TEX2: variants seen among roughly 807,000 people sequenced by gnomAD.
The protein encoded by TEX2 is testis expressed 2, also known as testis-expressed protein 2.
Under a neutral mutation model 106.9 loss-of-function variants are expected in TEX2, and 53 were observed. That is an observed-to-expected ratio of 0.50 (90% CI 0.40 to 0.62). The LOEUF (loss-of-function observed/expected upper bound fraction) is 0.62. TEX2 is among the 20% of genes least tolerant of loss of function. The probability of loss-of-function intolerance (pLI) is 0.00; values close to 1 mark genes in which losing one functional copy is unlikely to be tolerated. For synonymous variants in TEX2, 523 were observed against 534.8 expected (o/e 0.98, Z 0.30); for missense variants, 1,207 against 1,379.0 (o/e 0.88, Z 1.98).
intron 1 of TEX2, among the ~76,000 whole-genome samples, chr17:64,261,142 C>A (rs1018226248): frequency 6.6e-6 from 1 of 152,066 alleles, no homozygotes; most frequent in African/African-American, 2.4e-5. Flanking sequence ...TTCAGAAAAC[C>A]TTCCAGAAAA....
chr17:64,194,624 T>C (rs2032405559), intron 3 of TEX2, among the ~76,000 whole-genome samples: 2 of 152,202 alleles, frequency 1.3e-5, no homozygotes, highest in South Asian at 4.1e-4. Context: ...CCTCAAGTTG[T>C]GGTCTGTGGA....
intron 1 of TEX2, among the ~76,000 whole-genome samples, chr17:64,259,438 C>G (rs1555638240): frequency 6.6e-6 from 1 of 152,222 alleles, no homozygotes; most frequent in East Asian, 1.9e-4. Flanking sequence ...GGCTTCCAGT[C>G]TTCTTATTAC....
At chr17:64,193,482 T>A (rs2032366465) in intron 4 of TEX2, 77 bp downstream of exon 4, 22 of 1,187,164 alleles carry the variant, frequency 1.9e-5, no homozygotes, top group Non-Finnish European at 1.6e-5. Context: ...CTTCCTTCCT[T>A]CCTACCTGGC....
chr17:64,218,080 T>A (rs782812082), intron 1 of TEX2, among the ~76,000 whole-genome samples: 5 of 152,046 alleles, frequency 3.3e-5, no homozygotes, highest in Non-Finnish European at 7.4e-5. Context: ...ATGAATACAT[T>A]GAAAAAAAAT....
rs1400552974 is a variant in TEX2, at chr17:64,205,323, T to TACAA, written c.1644+7247_1644+7250dup. On this transcript the variant is annotated intron_variant, in intron 2 of 11. Coordinates refer to ENST00000584379, the MANE Select transcript of TEX2 (RefSeq NM_001288732.2). This position sits in a 1 kb window ranked among gnomAD's most constrained non-coding sequence, Gnocchi z 4.0. Reference sequence around the variant, plus strand: ...CAGAGCGAGGCAAAACAAACAAACATACAAACAAACAAACATCTCACCTGA... The same window carrying TACAA: ...CAGAGCGAGGCAAAACAAACAAACATACAAACAAACAAACAAACATCTCACCTGA... 6.6e-5 allele frequency among the ~76,000 whole-genome samples: 10 copies of TACAA among 151,918 alleles called. No homozygotes were observed. The highest frequency in any genetic ancestry group is 1.3e-4 in the Non-Finnish European group (9 of 67,984).
chr17:64,173,016 T>C (rs1316282259), intron 6 of TEX2, among the ~76,000 whole-genome samples: 1 of 152,236 alleles, frequency 6.6e-6, no homozygotes, highest in Non-Finnish European at 1.5e-5. Flanking sequence ...ATGTAAGATG[T>C]AAATTAGGGA....
intron 1 of TEX2, among the ~76,000 whole-genome samples, chr17:64,239,429 A>T (rs2033838097): frequency 6.6e-6 from 1 of 152,234 alleles, no homozygotes; most frequent in Non-Finnish European, 1.5e-5. Flanking sequence ...TGTTCGCAGA[A>T]TTTAGATCAA....
intron 1 of TEX2, among the ~76,000 whole-genome samples, chr17:64,259,356 G>A (rs1555638222): frequency 6.6e-6 from 1 of 152,180 alleles, no homozygotes; most frequent in East Asian, 1.9e-4. Flanking sequence ...GTTTGGAAAG[G>A]AGCAACACAA....
intron 4 of TEX2, among the ~76,000 whole-genome samples, chr17:64,191,259 G>A (rs957502294): frequency 1.3e-5 from 2 of 152,154 alleles, no homozygotes; most frequent in African/African-American, 4.8e-5. Context: ...GTGCTGAGTG[G>A]AACTTTTGGC....
chr17:64,233,306 G>A (rs1219292368), intron 1 of TEX2, among the ~76,000 whole-genome samples: 1 of 152,196 alleles, frequency 6.6e-6, no homozygotes, highest in Non-Finnish European at 1.5e-5. Context: ...TGGTGTGGTG[G>A]CTCGCGCCTG....
intron 7 of TEX2, 120 bp from the exon 8 acceptor site, chr17:64,161,053 T>C: frequency 9.2e-7 from 1 of 1,086,324 alleles, no homozygotes; most frequent in Non-Finnish European, 1.3e-6. Context: ...TATCGTCTAC[T>C]ACTCTAGTTG....
At chr17:64,246,543 C>T (rs2033991711) in intron 1 of TEX2, among the ~76,000 whole-genome samples, 1 of 152,172 alleles carries the variant, frequency 6.6e-6, no homozygotes, top group African/African-American at 2.4e-5. Context: ...CCACGTCCAG[C>T]CTACCAGCAT....
At chr17:64,188,039 C>A in intron 5 of TEX2, 129 bp downstream of exon 5, 1 of 1,057,430 alleles carries the variant, frequency 9.5e-7, no homozygotes. Context: ...TCCCCAAAGG[C>A]AGGGTCCTTC....
intron 7 of TEX2, among the ~76,000 whole-genome samples, chr17:64,162,170 A>T (rs1249751621): frequency 6.6e-6 from 1 of 152,266 alleles, no homozygotes; most frequent in Non-Finnish European, 1.5e-5. Flanking sequence ...AGCAATACTC[A>T]CAAAACTGTT....
intron 6 of TEX2, among the ~76,000 whole-genome samples, chr17:64,176,968 G>A (rs539586211): frequency 6.6e-6 from 1 of 152,290 alleles, no homozygotes; most frequent in Non-Finnish European, 1.5e-5. Flanking sequence ...GTGGGGCTGG[G>A]TGGGCTCTGG....
chr17:64,256,658 T>C (rs2034190344), intron 1 of TEX2, among the ~76,000 whole-genome samples: 5 of 152,144 alleles, frequency 3.3e-5, no homozygotes, highest in Admixed American at 3.3e-4. Flanking sequence ...TCTATTGACT[T>C]GTTTGTTGTC....
At chr17:64,220,775 T>C (rs150602850) in intron 1 of TEX2, among the ~76,000 whole-genome samples, 2 of 152,288 alleles carry the variant, frequency 1.3e-5, no homozygotes, top group East Asian at 3.9e-4. Flanking sequence ...AGTTCAACCA[T>C]TGTGGAAGAC....
intron 1 of TEX2, among the ~76,000 whole-genome samples, chr17:64,221,159 C>T (rs192871364): frequency 1.3e-5 from 2 of 152,162 alleles, no homozygotes; most frequent in East Asian, 1.9e-4. Flanking sequence ...AATGAGAACA[C>T]TTGGACACAG....
rs201937324 is a variant in TEX2, at chr17:64,188,156, A to T, written c.2424+12T>A. 16 of 1,601,204 alleles carry T rather than the reference A, an allele frequency of 1.0e-5. No individual in the cohort carries two copies. The East Asian group carries it at 2.0e-4, about 20-fold the overall frequency. ...AAAAGTGAAAAAGGTCCGGCCCAGCAGCCAGCTTTACCTTCTTCCCAGCTG... is the reference window on the plus strand; with the variant it reads ...AAAAGTGAAAAAGGTCCGGCCCAGCTGCCAGCTTTACCTTCTTCCCAGCTG... On this transcript the variant is annotated intron_variant, in intron 5 of 11. Coordinates refer to ENST00000584379, the MANE Select transcript of TEX2 (RefSeq NM_001288732.2).
Sources: allele counts gnomAD v4.1 joint callset (sites outside exome capture counted in the v4.1 genomes callset), GRCh38; gene constraint gnomAD v4.1.1; non-coding constraint Gnocchi (gnomAD v3.1); transcripts MANE v1.5; gene names NCBI Gene and HGNC (gene_info 2026-07-23, HGNC 2026-07-21).